The following BORCS5 variants were observed in gnomAD, a reference collection of about 807,000 sequenced individuals.
BORCS5 encodes BLOC-1-related complex subunit 5.
BORCS5 carries 17 observed loss-of-function variants against 22.1 expected under a neutral mutation model. That is an observed-to-expected ratio of 0.77 (90% confidence interval 0.53 to 1.15). BORCS5 has a LOEUF of 1.15. Among genes scored for constraint, BORCS5 ranks in the 50% most tolerant of loss-of-function variants. The probability of loss-of-function intolerance (pLI) is 0.00; values close to 1 mark genes in which losing one functional copy is unlikely to be tolerated. For synonymous variants in BORCS5, 117 were observed against 99.8 expected, an observed-to-expected ratio of 1.17 and a Z score of -1.03; for missense variants, 247 against 253.2, an observed-to-expected ratio of 0.98 and a Z score of 0.17.
intron 2 of BORCS5, among the ~76,000 whole-genome samples, chr12:12,414,053 C>T (rs566326280): frequency 1.3e-5 from 1 of 78,826 alleles, no homozygotes; most frequent in Admixed American, 1.0e-4. Context: ...GCTGGCCAGG[C>T]GGGGGGCTGA....
rs1207108704 is a variant in BORCS5, at chr12:12,413,858, G to T, written c.203-21770G>T. On this transcript the variant is annotated intron_variant, in intron 2 of 3. Transcript: ENST00000314565. ...GGGCTGGCCCCCCCACCTCCCTCCC[G>T]GACGGGGTGGCTGGTCAGGCGGGGG... Among the ~76,000 whole-genome samples the T allele has an allele frequency of 4.4e-5, 3 of 68,946 alleles. 1 individual carries two copies. The highest frequency in any genetic ancestry group is 1.2e-4 in the Admixed American group (1 of 8,530). 45.2% of individuals were successfully genotyped at this position (68,946 alleles called of 152,430 possible).
intron 2 of BORCS5, among the ~76,000 whole-genome samples, chr12:12,368,217 C>A (rs61923561): frequency 0.011 from 1,738 of 151,862 alleles, 30 homozygotes; most frequent in Non-Finnish European, 0.017. Context: ...AGGTTTCTAT[C>A]CCACTTGTTA....
rs146270197 is a variant in BORCS5, at chr12:12,410,936, C to G, written c.203-24692C>G. 2.0e-5 allele frequency among the ~76,000 whole-genome samples: 3 copies of G among 152,194 alleles called. No individual in the cohort carries two copies. The East Asian group carries it at 5.8e-4, about 29-fold the overall frequency. ...GGTTTGTACTTCTCCTTGAAGAGGT[C>G]CTTCACATCCCTTTAAGTTGGATCC... is the stretch of plus-strand genomic sequence containing the variant. On this transcript the variant is annotated intron_variant, in intron 2 of 3. Coordinates refer to ENST00000314565, the MANE Select transcript of BORCS5 (RefSeq NM_058169.6).
intron 3 of BORCS5, among the ~76,000 whole-genome samples, chr12:12,457,896 T>A (rs531078351): frequency 2.2e-4 from 34 of 152,304 alleles, no homozygotes; most frequent in Non-Finnish European, 4.4e-4. Context: ...ATGTACAGCC[T>A]CAGTGGGCAT....
Position 12,357,177 on chromosome 12 carries a change from C to T in BORCS5, c.-275C>T, listed in dbSNP as rs184467411. 14 of 1,525,952 alleles carry T rather than the reference C, an allele frequency of 9.2e-6. No homozygotes were observed. The highest frequency in any genetic ancestry group is 4.1e-5 in the Admixed American group (2 of 49,136). 94.5% of individuals were successfully genotyped at this position (1,525,952 alleles called of 1,614,324 possible). A position where few individuals can be genotyped will look rare whatever the true frequency, so the allele number is the denominator to read the frequency against. On this transcript the variant is annotated 5_prime_UTR_variant, in exon 1 of 4. Transcript: ENST00000314565. ...GTGCGGCAAAGCCAGTGTCATCTGC[C>T]GGTTCTCTTAGGGCTCCCGGAAAGA...
intron 2 of BORCS5, among the ~76,000 whole-genome samples, chr12:12,422,117 T>G (rs542408594): frequency 2.6e-5 from 4 of 152,192 alleles, no homozygotes; most frequent in Non-Finnish European, 5.9e-5. Context: ...TTGTTCTTGC[T>G]TCTTTTAATT....
At chr12:12,361,145 T>G in intron 1 of BORCS5, 61 bp from the exon 2 acceptor site, 1 of 1,533,524 alleles carries the variant, frequency 6.5e-7, no homozygotes, top group Non-Finnish European at 9.0e-7. Context: ...CACCAAAAAC[T>G]GCTTTGGTGA....
intron 3 of BORCS5, among the ~76,000 whole-genome samples, chr12:12,451,619 C>T (rs1193778897): frequency 2.6e-5 from 4 of 152,196 alleles, no homozygotes; most frequent in Non-Finnish European, 4.4e-5. Context: ...CGCAGTGGCT[C>T]ACGCCTCTAA....
Position 12,357,140 on chromosome 12 carries a change from C to T in BORCS5, c.-312C>T, listed in dbSNP as rs12826711. 1.1e-5 allele frequency: 17 copies of T among 1,533,386 alleles called. No individual in the cohort carries two copies. The highest frequency in any genetic ancestry group is 7.1e-5 in the South Asian group (6 of 83,932). The allele number at this position is 1,533,386 out of a possible 1,614,324, so 95.0% of individuals were successfully genotyped here. ...ACCAGTGAGTGAAAGCGGCGCCGCCCGCCGGCCGCAGGTGCGGCAAAGCCA... is the reference window on the plus strand; with the variant it reads ...ACCAGTGAGTGAAAGCGGCGCCGCCTGCCGGCCGCAGGTGCGGCAAAGCCA... On this transcript the variant is annotated 5_prime_UTR_variant, in exon 1 of 4. Coordinates refer to ENST00000314565, the MANE Select transcript of BORCS5 (RefSeq NM_058169.6).
intron 2 of BORCS5, among the ~76,000 whole-genome samples, chr12:12,385,262 C>T (rs1863856004): frequency 6.6e-6 from 1 of 151,454 alleles, no homozygotes; most frequent in Non-Finnish European, 1.5e-5. Context: ...ACCACAACCT[C>T]GTGTTAGTAT....
intron 3 of BORCS5, among the ~76,000 whole-genome samples, chr12:12,448,300 C>T (rs1259910633): frequency 6.6e-6 from 1 of 152,134 alleles, no homozygotes; most frequent in South Asian, 2.1e-4. Context: ...ACTGCAACTC[C>T]TGCCTCCCGG....
chr12:12,405,707 A>T (rs1941580906), intron 2 of BORCS5, among the ~76,000 whole-genome samples: 1 of 152,218 alleles, frequency 6.6e-6, no homozygotes, highest in Non-Finnish European at 1.5e-5. Flanking sequence ...AGTAAATTAT[A>T]ATAATGTTGT....
At chr12:12,438,381 CG>C (rs753040450) in intron 3 of BORCS5, among the ~76,000 whole-genome samples, 7,577 of 65,024 alleles carry the variant, frequency 0.12, 425 homozygotes, top group African/African-American at 0.27. Context: ...AAAAAAAAAA[CG>C]AAAAACAACA....
intron 2 of BORCS5, among the ~76,000 whole-genome samples, chr12:12,396,783 C>T (rs1181705837): frequency 6.6e-6 from 1 of 152,080 alleles, no homozygotes; most frequent in Non-Finnish European, 1.5e-5. Context: ...ATTTAGAAAC[C>T]ATTAACCTTT....
intron 2 of BORCS5, among the ~76,000 whole-genome samples, chr12:12,367,609 A>G (rs572591744): frequency 1.3e-5 from 2 of 152,372 alleles, no homozygotes; most frequent in African/African-American, 2.4e-5. Flanking sequence ...GTTTACCAGC[A>G]TTGGGTTAGC....
intron 2 of BORCS5, among the ~76,000 whole-genome samples, chr12:12,393,262 T>C (rs1304940398): frequency 1.3e-5 from 2 of 151,878 alleles, no homozygotes; most frequent in African/African-American, 2.4e-5. Context: ...ACAAGGTTTC[T>C]GGACAATGAC....
intron 3 of BORCS5, among the ~76,000 whole-genome samples, chr12:12,461,161 C>CTT (rs35299390): frequency 5.1e-4 from 68 of 134,194 alleles, no homozygotes; most frequent in Admixed American, 7.5e-4. Flanking sequence ...TTATTGCATT[C>CTT]TTTTTTTTTT....
chr12:12,458,784 A>C (rs1354059981), intron 3 of BORCS5, among the ~76,000 whole-genome samples: 4 of 151,540 alleles, frequency 2.6e-5, no homozygotes, highest in Non-Finnish European at 4.4e-5. Flanking sequence ...TATCCTGGCT[A>C]ACACGGTGAA....
At chr12:12,440,615 A>C (rs1942663570) in intron 3 of BORCS5, among the ~76,000 whole-genome samples, 2 of 151,702 alleles carry the variant, frequency 1.3e-5, no homozygotes, top group South Asian at 4.2e-4. Context: ...GAAAAAAAAA[A>C]AAAAACCAGG....
Sources: gnomAD v4.1 joint callset for allele counts (sites outside exome capture counted in the v4.1 genomes callset) on GRCh38, gnomAD v4.1.1 for gene constraint, MANE v1.5 for transcripts, NCBI Gene and HGNC (gene_info 2026-07-23, HGNC 2026-07-21) for gene names.